The following VWA3A variants were observed in gnomAD, a reference collection of about 807,000 sequenced individuals.
The protein encoded by VWA3A is von Willebrand factor A domain-containing protein 3A.
VWA3A carries 134 observed loss-of-function variants against 160.4 expected under a neutral mutation model. That is an observed-to-expected ratio of 0.84 (90% CI 0.73 to 0.96). The LOEUF (loss-of-function observed/expected upper bound fraction) is 0.96. Among genes scored for constraint, VWA3A ranks in the 40% least tolerant of loss-of-function variants. The pLI is 0.00. For synonymous variants in VWA3A, 476 were observed against 543.4 expected (o/e 0.88, Z 1.72); for missense variants, 1,310 against 1,447.9 (o/e 0.90, Z 1.55).
chr16:22,154,871 G>A (rs888771447), intron 31 of VWA3A, among the ~76,000 whole-genome samples: 4 of 149,360 alleles, frequency 2.7e-5, no homozygotes, highest in African/African-American at 4.9e-5. Flanking sequence ...GGAGAATGGC[G>A]TGAACCCGGG....
chr16:22,147,595 G>T, intron 27 of VWA3A: 1 of 703,266 alleles, frequency 1.4e-6, no homozygotes, highest in Non-Finnish European at 2.6e-6. Flanking sequence ...AGTAGGACCT[G>T]GTATAGACAG....
In VWA3A at chr16:22,142,763, G is replaced by T; in HGVS notation, c.2590G>T (p.Glu864Ter). 1 of 1,563,464 alleles carries T rather than the reference G, an allele frequency of 6.4e-7. No individual in the cohort carries two copies. ...PRKDTVCSSQEWVAKYGLKKL... is the reference protein window; with the variant it reads ...PRKDTVCSSQ Reference sequence around the variant, plus strand: ...AAAGGATACAGTTTGCTCAAGCCAAGAGGTATTAAGTCACCCATACTAGCA... The same window carrying T: ...AAAGGATACAGTTTGCTCAAGCCAATAGGTATTAAGTCACCCATACTAGCA... The change falls in exon 25 of 34, where the codon GAG becomes TAG. Residue 864 changes from glutamate (E) to a stop codon, truncating the protein, a stop_gained and splice_region_variant. Transcript: ENST00000389398. LOFTEE classifies it high-confidence loss of function.
At chr16:22,102,205 G>C (rs1567527329) in intron 5 of VWA3A, among the ~76,000 whole-genome samples, 1 of 151,996 alleles carries the variant, frequency 6.6e-6, no homozygotes, top group Non-Finnish European at 1.5e-5. Flanking sequence ...ATAAAAATTA[G>C]CCAGGTGTGG....
rs1208308865 is a variant in VWA3A at position 22,149,788 on chromosome 16, T to A, written c.2986T>A (p.Phe996Ile). Residue 996 changes from phenylalanine (F) to isoleucine (I), a missense_variant and splice_region_variant, in exon 29 of 34, where the codon TTT becomes ATT. Coordinates refer to ENST00000389398, the MANE Select transcript of VWA3A (RefSeq NM_173615.5). Reference protein sequence around the residue: ...WEQLRKCCDSFNLLSFAESFQ... With the variant: ...WEQLRKCCDSINLLSFAESFQ... ...ACCTCCTCTTTTCCTCCTCCCCAGT[T>A]TTAACCTGCTCAGCTTTGCAGAGAG... The A allele has an allele frequency of 1.9e-6, 3 of 1,596,586 alleles. No homozygotes were observed. The highest frequency in any genetic ancestry group is 2.6e-6 in the Non-Finnish European group (3 of 1,167,432).
At chr16:22,116,112 C>T (rs1298869441) in intron 9 of VWA3A, among the ~76,000 whole-genome samples, 1 of 110,636 alleles carries the variant, frequency 9.0e-6, no homozygotes, top group African/African-American at 3.4e-5. Flanking sequence ...AAGAAAGAAA[C>T]AAGAAAAAAA....
intron 1 of VWA3A, among the ~76,000 whole-genome samples, chr16:22,093,356 T>C (rs1034637709): frequency 1.3e-5 from 2 of 152,116 alleles, no homozygotes; most frequent in African/African-American, 4.8e-5. Context: ...ATATATATAG[T>C]GAAACATGCT....
At position 22,097,561 on chromosome 16, in the gene VWA3A, A is replaced by C. The variant is rs1328565789; in HGVS notation, c.102-11A>C. On this transcript the variant is annotated splice_polypyrimidine_tract_variant and intron_variant, in intron 2 of 33. Coordinates refer to ENST00000389398, the MANE Select transcript of VWA3A (RefSeq NM_173615.5). Reference sequence around the variant, plus strand: ...GCTGGGGCATTGATCAAATTACTTTATGTTTTGTAGCATTAGGAGAAACAC... The same window carrying C: ...GCTGGGGCATTGATCAAATTACTTTCTGTTTTGTAGCATTAGGAGAAACAC... 6.4e-7 allele frequency: 1 copy of C among 1,551,142 alleles called. No homozygotes were observed. Among genetic ancestry groups the C allele is most frequent in the Admixed American group, 2.0e-5 (1 of 51,002 alleles).
chr16:22,155,432 A>T, intron 31 of VWA3A, 135 bp from the exon 32 acceptor site: 1 of 742,854 alleles, frequency 1.3e-6, no homozygotes. Flanking sequence ...CTGGAGATAT[A>T]CAAGCAGAGG....
At chr16:22,096,294 A>G (rs182181674) in intron 1 of VWA3A, among the ~76,000 whole-genome samples, 9 of 152,310 alleles carry the variant, frequency 5.9e-5, no homozygotes, top group Admixed American at 5.9e-4. Context: ...GTATTTACTG[A>G]ATGAATTAAT....
chr16:22,144,100 A>G lies in VWA3A; in HGVS notation c.2593-147A>G, dbSNP rs1025524958. On this transcript the variant is annotated intron_variant, in intron 25 of 33. Transcript: ENST00000389398. ...CCCCAAAGCCAGGGAAGGAATCTGC[A>G]TGGGATGGATGCTCTGTGAGGACCT... is the stretch of plus-strand genomic sequence containing the variant. 6.2e-5 allele frequency: 63 copies of G among 1,015,140 alleles called. 2 individuals carry two copies. In the South Asian group the frequency reaches 1.1e-3, roughly 18 times the overall value. The allele number at this position is 1,015,140 out of a possible 1,614,324, so 62.9% of individuals were successfully genotyped here. A position where few individuals can be genotyped will look rare whatever the true frequency, so the allele number is the denominator to read the frequency against.
intron 3 of VWA3A, among the ~76,000 whole-genome samples, chr16:22,098,911 CAAAAAA>C (rs900328333): frequency 1.2e-4 from 5 of 41,030 alleles, no homozygotes; most frequent in African/African-American, 2.0e-4. Context: ...CCTGTTTCCA[CAAAAAA>C]AAAAAAAAAA....
At chr16:22,147,836 A>G (rs1475902587) in intron 27 of VWA3A, among the ~76,000 whole-genome samples, 2 of 152,226 alleles carry the variant, frequency 1.3e-5, no homozygotes. Flanking sequence ...ATGTCATGGT[A>G]CTATTTAATC....
intron 3 of VWA3A, 131 bp downstream of exon 3, chr16:22,097,826 A>T (rs1421659646): frequency 1.6e-6 from 2 of 1,238,302 alleles, no homozygotes; most frequent in Non-Finnish European, 2.2e-6. Context: ...TTAAGCATTT[A>T]TCTCTAATCC....
intron 23 of VWA3A, among the ~76,000 whole-genome samples, chr16:22,140,486 TC>T (rs1351587685): frequency 2.0e-5 from 3 of 151,738 alleles, no homozygotes; most frequent in African/African-American, 7.3e-5. Context: ...ATGCCTGAAG[TC>T]CCCCAAGTAC....
chr16:22,117,095 G>A lies in VWA3A; in HGVS notation c.925-16G>A. 3 of 1,572,350 alleles carry A rather than the reference G, an allele frequency of 1.9e-6. No individual in the cohort carries two copies. Among genetic ancestry groups the A allele is most frequent in the South Asian group, 2.3e-5 (2 of 85,418 alleles). The stretch of plus-strand genomic sequence containing the variant: ...TGTTGCCCTAGTGAGGCCTGACCCT[G>A]GCCTCATCCCTGCAGGCTGTCCTGA... On this transcript the variant is annotated splice_polypyrimidine_tract_variant and intron_variant, in intron 10 of 33. Coordinates refer to ENST00000389398, the MANE Select transcript of VWA3A (RefSeq NM_173615.5).
At position 22,107,693 on chromosome 16, in the gene VWA3A, C is replaced by T. The variant is rs369486697; in HGVS notation, c.484-1789C>T. Among the ~76,000 whole-genome samples the T allele has an allele frequency of 1.8e-4, 28 of 152,276 alleles. No individual in the cohort carries two copies. In the East Asian group the frequency reaches 3.3e-3, roughly 18 times the overall value. ...CCCAGGAGTTCCAGGCTGCAGTGAG[C>T]TATGATTGTGCCACTGTGCACATGG... is the stretch of plus-strand genomic sequence containing the variant. On this transcript the variant is annotated intron_variant, in intron 6 of 33. Coordinates refer to ENST00000389398, the MANE Select transcript of VWA3A (RefSeq NM_173615.5).
Position 22,142,777 on chromosome 16 carries a change from C to G in VWA3A, c.2592+12C>G. Reference sequence around the variant, plus strand: ...GCTCAAGCCAAGAGGTATTAAGTCACCCATACTAGCACATGCCCATTAAGC... The same window carrying G: ...GCTCAAGCCAAGAGGTATTAAGTCAGCCATACTAGCACATGCCCATTAAGC... On this transcript the variant is annotated intron_variant, in intron 25 of 33. Transcript: ENST00000389398. The G allele has an allele frequency of 6.5e-7, 1 of 1,542,212 alleles. No homozygotes were observed. The highest frequency in any genetic ancestry group is 1.2e-5 in the South Asian group (1 of 84,104).
intron 18 of VWA3A, 47 bp from the exon 19 acceptor site, chr16:22,131,538 T>C: frequency 6.2e-7 from 1 of 1,600,756 alleles, no homozygotes; most frequent in Non-Finnish European, 8.5e-7. Flanking sequence ...AGGTATGCCC[T>C]GGGCATGGGC....
intron 26 of VWA3A, 58 bp downstream of exon 26, chr16:22,144,442 C>T: frequency 6.3e-7 from 1 of 1,598,000 alleles, no homozygotes; most frequent in Non-Finnish European, 8.5e-7. Context: ...CTGCAAATGG[C>T]AGAGAGCAGT....
Sources: gnomAD v4.1 joint callset for allele counts (sites outside exome capture counted in the v4.1 genomes callset) on GRCh38, gnomAD v4.1.1 for gene constraint, MANE v1.5 for transcripts, NCBI Gene and HGNC (gene_info 2026-07-23, HGNC 2026-07-21) for gene names.